The following LARGE1 variants were observed in gnomAD, a reference collection of about 807,000 sequenced individuals.
LARGE1 encodes LARGE xylosyl- and glucuronyltransferase 1.
Under a neutral mutation model 87.6 loss-of-function variants are expected in LARGE1, and 43 were observed. The ratio of observed to expected loss-of-function variants is 0.49; its 90% CI spans 0.38 to 0.63. LARGE1 has a LOEUF of 0.63. LARGE1 is among the 30% of genes least tolerant of loss of function. The probability of loss-of-function intolerance (pLI) is 0.00; values close to 1 mark genes in which losing one functional copy is unlikely to be tolerated. For synonymous variants in LARGE1, 434 were observed against 394.6 expected (o/e 1.10, Z -1.18); for missense variants, 802 against 1,000.2 (o/e 0.80, Z 2.67).
the LARGE1 span, among the ~76,000 whole-genome samples, chr22:33,155,415 T>A: frequency 2.6e-5 from 4 of 152,266 alleles, no homozygotes; most frequent in Admixed American, 2.6e-4. Flanking sequence ...GAGGAACTTG[T>A]TGGGAATTGG....
intron 11 of LARGE1, among the ~76,000 whole-genome samples, chr22:33,188,288 C>T (rs1252174585): frequency 6.6e-6 from 1 of 152,072 alleles, no homozygotes; most frequent in Non-Finnish European, 1.5e-5. Flanking sequence ...CTAATGGAGA[C>T]AGGATGCATA....
chr22:33,742,134 G>A (rs1193893878), intron 2 of LARGE1, among the ~76,000 whole-genome samples: 1 of 152,134 alleles, frequency 6.6e-6, no homozygotes, highest in Non-Finnish European at 1.5e-5. Flanking sequence ...GAGACAAGAC[G>A]GTGAGCCCTG....
chr22:33,513,631 T>A (rs2071155191), intron 6 of LARGE1, among the ~76,000 whole-genome samples: 1 of 152,134 alleles, frequency 6.6e-6, no homozygotes, highest in Non-Finnish European at 1.5e-5. Flanking sequence ...GGAAATTAAG[T>A]AAAATCTGTC....
chr22:33,723,200 A>C (rs550977833), intron 2 of LARGE1, among the ~76,000 whole-genome samples: 1 of 152,298 alleles, frequency 6.6e-6, no homozygotes, highest in South Asian at 2.1e-4. Flanking sequence ...CAAGAAAGAG[A>C]AGTTTCTAGT....
At chr22:33,695,740 T>A (rs1342107966) in intron 2 of LARGE1, among the ~76,000 whole-genome samples, 1 of 152,188 alleles carries the variant, frequency 6.6e-6, no homozygotes, top group Admixed American at 6.5e-5. Context: ...TTTCCCCGCC[T>A]TCATGGTAAA....
chr22:33,341,029 G>C (rs1467171741), intron 9 of LARGE1, among the ~76,000 whole-genome samples: 1 of 148,734 alleles, frequency 6.7e-6, no homozygotes, highest in African/African-American at 2.6e-5. Flanking sequence ...GGGTTGAACA[G>C]TATATCAAAT....
intron 11 of LARGE1, among the ~76,000 whole-genome samples, chr22:33,199,551 A>G (rs1924264160): frequency 6.6e-6 from 1 of 152,104 alleles, no homozygotes; most frequent in Non-Finnish European, 1.5e-5. Flanking sequence ...GAGAGTTATG[A>G]GTCCAGTTTC....
chr22:33,628,220 T>C (rs5749640), intron 3 of LARGE1, among the ~76,000 whole-genome samples: 14,385 of 152,208 alleles, frequency 0.095, 834 homozygotes, highest in East Asian at 0.15. Context: ...AGGCTCAAAG[T>C]TGTATGAGAC....
chr22:33,213,792 A>C (rs192424669), intron 11 of LARGE1, among the ~76,000 whole-genome samples: 17 of 152,284 alleles, frequency 1.1e-4, no homozygotes, highest in Non-Finnish European at 1.8e-4. Flanking sequence ...GGAAACCAAA[A>C]ACTTTGTGTG....
intron 6 of LARGE1, among the ~76,000 whole-genome samples, chr22:33,467,969 C>T (rs1378627068): frequency 6.6e-6 from 1 of 152,154 alleles, no homozygotes; most frequent in Non-Finnish European, 1.5e-5. Context: ...TCATTTGAGG[C>T]TGTGACCTCA....
the LARGE1 span, among the ~76,000 whole-genome samples, chr22:33,089,359 T>TCTC: frequency 1.1e-5 from 1 of 89,532 alleles, no homozygotes; most frequent in Non-Finnish European, 2.2e-5. Context: ...TTCTTCTTCT[T>TCTC]CTTCTTCTTC....
At chr22:33,718,255 A>G (rs538782447) in intron 2 of LARGE1, among the ~76,000 whole-genome samples, 6 of 152,294 alleles carry the variant, frequency 3.9e-5, no homozygotes, top group African/African-American at 1.4e-4. Context: ...TCCTGCTCTG[A>G]GAACCCCCGG....
intron 6 of LARGE1, among the ~76,000 whole-genome samples, chr22:33,437,877 G>A (rs2067328108): frequency 6.6e-6 from 1 of 152,130 alleles, no homozygotes; most frequent in Non-Finnish European, 1.5e-5. Flanking sequence ...TAGCAAGATG[G>A]GGGAATAATA....
chr22:33,383,473 T>C (rs1242537078), intron 8 of LARGE1, among the ~76,000 whole-genome samples: 1 of 152,026 alleles, frequency 6.6e-6, no homozygotes, highest in Non-Finnish European at 1.5e-5. Context: ...GGCAGGAGAA[T>C]TGCTTGAACC....
chr22:33,429,065 A>T (rs1039375839), intron 7 of LARGE1, among the ~76,000 whole-genome samples: 1 of 151,878 alleles, frequency 6.6e-6, no homozygotes, highest in African/African-American at 2.4e-5. Flanking sequence ...AGTTCCTAAC[A>T]TCAAGCTGAA....
chr22:33,521,697 T>C (rs926511378), intron 6 of LARGE1, among the ~76,000 whole-genome samples: 1 of 152,156 alleles, frequency 6.6e-6, no homozygotes, highest in Non-Finnish European at 1.5e-5. Context: ...CAAACACATA[T>C]ACATACACCA....
At chr22:33,395,335 T>C (rs1187968551) in intron 7 of LARGE1, among the ~76,000 whole-genome samples, 4 of 150,916 alleles carry the variant, frequency 2.7e-5, no homozygotes, top group South Asian at 2.1e-4. Flanking sequence ...AGATTAGTGA[T>C]AGTGGGTAAC....
At chr22:33,211,771 T>C (rs1568975626) in intron 11 of LARGE1, among the ~76,000 whole-genome samples, 1 of 151,918 alleles carries the variant, frequency 6.6e-6, no homozygotes, top group Non-Finnish European at 1.5e-5. Context: ...AGACTCTGTC[T>C]CAAAGAAAAA....
the LARGE1 span, among the ~76,000 whole-genome samples, chr22:33,124,297 C>T: frequency 2.2e-5 from 3 of 136,274 alleles, no homozygotes; most frequent in African/African-American, 8.3e-5. Flanking sequence ...AACAAGACTC[C>T]ATCTCAAAAG....
Sources: allele counts gnomAD v4.1 joint callset (sites outside exome capture counted in the v4.1 genomes callset), GRCh38; gene constraint gnomAD v4.1.1; transcripts MANE v1.5; gene names NCBI Gene and HGNC (gene_info 2026-07-23, HGNC 2026-07-21).